TRIO: variants seen among roughly 807,000 people sequenced by gnomAD.
TRIO encodes the protein triple functional domain protein.
A neutral mutation model predicts 351.9 loss-of-function variants in TRIO; 58 were observed. That is an observed-to-expected ratio of 0.16 (90% confidence interval 0.13 to 0.21). The LOEUF (loss-of-function observed/expected upper bound fraction) is 0.21. Ranked by LOEUF, TRIO falls within the 10% of genes least tolerant of loss-of-function variation. The pLI is 1.00. For missense variants in TRIO, 3,201 were observed against 4,027.8 expected (o/e 0.79, Z 5.56); for synonymous variants, 1,758 against 1,595.7 (o/e 1.10, Z -2.42).
intron 11 of TRIO, among the ~76,000 whole-genome samples, chr5:14,351,457 T>G (rs1275669130): frequency 6.6e-6 from 1 of 152,222 alleles, no homozygotes; most frequent in Non-Finnish European, 1.5e-5. Flanking sequence ...ATACTTCCCC[T>G]GCTGGCCCTA....
In TRIO at chr5:14,336,772, C is replaced by G. The variant is rs373575136; in HGVS notation, c.2046+45C>G. ...AAATATGATCTGTGCTTGAAAGGGT[C>G]TTTGAACTCTTTTGGAGGAACCTAA... On this transcript the variant is annotated intron_variant, in intron 11 of 56. Coordinates refer to ENST00000344204, the MANE Select transcript of TRIO (RefSeq NM_007118.4). 6.3e-6 allele frequency: 10 copies of G among 1,597,778 alleles called. No individual in the cohort carries two copies. In the African/African-American group the frequency reaches 1.2e-4, roughly 19 times the overall value.
At chr5:14,240,537 C>T (rs1322297654) in intron 1 of TRIO, among the ~76,000 whole-genome samples, 1 of 152,198 alleles carries the variant, frequency 6.6e-6, no homozygotes, top group African/African-American at 2.4e-5. Flanking sequence ...GCATTATCAG[C>T]ATTAAAAACA....
rs763147106 is a variant in TRIO at position 14,394,109 on chromosome 5, G to A, written c.4290G>A (p.Thr1430=). 2.0e-5 allele frequency: 32 copies of A among 1,611,790 alleles called. No individual in the cohort carries two copies. In the East Asian group the frequency reaches 5.1e-4, roughly 26 times the overall value. Residue 1430 remains threonine (T), a synonymous_variant, in exon 28 of 57, where the codon ACG becomes ACA. Coordinates refer to ENST00000344204, the MANE Select transcript of TRIO (RefSeq NM_007118.4). ...TTATTAAACCAGTTCAGCGAATAAC[G>A]AAGTATCAGCTCCTTTTAAAAGTAT... ...SYLIKPVQRI[T]KYQLLLKELL...
intron 1 of TRIO, among the ~76,000 whole-genome samples, chr5:14,147,729 T>C (rs968352688): frequency 2.0e-5 from 3 of 152,204 alleles, no homozygotes; most frequent in Non-Finnish European, 4.4e-5. Context: ...TGTGGAGTAT[T>C]GAGAGAAGCT....
chr5:14,408,112 G>A (rs959937906), intron 33 of TRIO, among the ~76,000 whole-genome samples: 2 of 152,190 alleles, frequency 1.3e-5, no homozygotes, highest in African/African-American at 2.4e-5. Context: ...TGACCTCACC[G>A]TCCTTGGGAA....
At chr5:14,219,813 C>G (rs1432667620) in intron 1 of TRIO, among the ~76,000 whole-genome samples, 3 of 151,242 alleles carry the variant, frequency 2.0e-5, no homozygotes, top group East Asian at 3.9e-4. Flanking sequence ...TAAAATAGAT[C>G]AGTATTTTTC....
At position 14,508,144 on chromosome 5, in the gene TRIO, C is replaced by T. The variant is rs926370862; in HGVS notation, c.9016C>T (p.Arg3006Cys). The T allele has an allele frequency of 1.7e-5, 28 of 1,614,060 alleles. No homozygotes were observed. The highest frequency in any genetic ancestry group is 5.0e-5 in the Admixed American group (3 of 60,000). Reference sequence around the variant, plus strand: ...GGAAGAGACCTGCCTGAACATTTGCCGCTTAGACTTTAGCTTCCCAGATGA... The same window carrying T: ...GGAAGAGACCTGCCTGAACATTTGCTGCTTAGACTTTAGCTTCCCAGATGA... Reference protein sequence around the residue: ...SVEETCLNICRLDFSFPDDYF... With the variant: ...SVEETCLNICCLDFSFPDDYF... The change falls in exon 57 of 57, where the codon CGC becomes TGC. Residue 3006 changes from arginine to cysteine, a missense_variant. By Grantham distance (180) the Arg-to-Cys change is radical (BLOSUM62 -3). Coordinates refer to ENST00000344204, the MANE Select transcript of TRIO (RefSeq NM_007118.4).
intron 7 of TRIO, among the ~76,000 whole-genome samples, chr5:14,297,784 T>C (rs1737492912): frequency 6.6e-6 from 1 of 152,122 alleles, no homozygotes; most frequent in Non-Finnish European, 1.5e-5. Flanking sequence ...TATGGAGGGG[T>C]GGTGTCTGCT....
chr5:14,281,820 C>T (rs1736032029), intron 3 of TRIO, among the ~76,000 whole-genome samples: 1 of 152,076 alleles, frequency 6.6e-6, no homozygotes, highest in South Asian at 2.1e-4. Context: ...TATGGGCTGG[C>T]TAGATAGTAA....
At chr5:14,157,514 C>A (rs937698042) in intron 1 of TRIO, among the ~76,000 whole-genome samples, 11 of 124,102 alleles carry the variant, frequency 8.9e-5, no homozygotes, top group Non-Finnish European at 1.7e-5. Flanking sequence ...TCCCTGTCTC[C>A]CTCTCTCTCC....
At chr5:14,415,416 A>G (rs1278200628) in intron 33 of TRIO, among the ~76,000 whole-genome samples, 1 of 152,048 alleles carries the variant, frequency 6.6e-6, no homozygotes, top group Non-Finnish European at 1.5e-5. Context: ...CGAGAGCCAT[A>G]TGTTCTTGAG....
intron 11 of TRIO, among the ~76,000 whole-genome samples, chr5:14,351,489 T>TACCC (rs1309499008): frequency 6.6e-6 from 1 of 152,152 alleles, no homozygotes; most frequent in Admixed American, 6.5e-5. Flanking sequence ...TTCCCACAAG[T>TACCC]ACCCAGATGA....
chr5:14,242,796 CGGGCTTTTT>C (rs1198821734), intron 1 of TRIO, among the ~76,000 whole-genome samples: 2 of 152,160 alleles, frequency 1.3e-5, no homozygotes, highest in East Asian at 3.8e-4. Context: ...TCAGGCTATT[CGGGCTTTTT>C]GATCTATTAT....
At chr5:14,260,498 A>G (rs968047884) in intron 1 of TRIO, among the ~76,000 whole-genome samples, 4 of 152,250 alleles carry the variant, frequency 2.6e-5, no homozygotes, top group Non-Finnish European at 4.4e-5. Context: ...ATTAAACACA[A>G]TTCTAAGCTT....
At chr5:14,347,433 T>C (rs1259609552) in intron 11 of TRIO, among the ~76,000 whole-genome samples, 3 of 152,230 alleles carry the variant, frequency 2.0e-5, no homozygotes, top group Admixed American at 1.3e-4. Flanking sequence ...TAATCCCTGG[T>C]GTCACCGCCT....
At chr5:14,329,974 C>T (rs1262668872) in intron 9 of TRIO, among the ~76,000 whole-genome samples, 1 of 152,150 alleles carries the variant, frequency 6.6e-6, no homozygotes, top group African/African-American at 2.4e-5. Context: ...GTACGGAGAG[C>T]CGACTGTACT....
chr5:14,292,385 A>G (rs1177575872), intron 5 of TRIO, among the ~76,000 whole-genome samples: 1 of 152,230 alleles, frequency 6.6e-6, no homozygotes, highest in Admixed American at 6.5e-5. Context: ...ATAGTCATCT[A>G]TATTTTCTTA....
chr5:14,509,747 T>C lies in TRIO; in HGVS notation c.*1325T>C. ...GTCACTGTGGCAGCATTCGCACTGG[T>C]GTGGGGAGTCCTTTCAACTCAAGGA... On this transcript the variant is annotated 3_prime_UTR_variant, in exon 57 of 57. Coordinates refer to ENST00000344204, the MANE Select transcript of TRIO (RefSeq NM_007118.4). 3.9e-6 allele frequency: 1 copy of C among 255,128 alleles called. No individual in the cohort carries two copies. Among genetic ancestry groups the C allele is most frequent in the South Asian group, 3.8e-5 (1 of 26,118 alleles). 15.8% of individuals were successfully genotyped at this position (255,128 alleles called of 1,614,324 possible). A position where few individuals can be genotyped will look rare whatever the true frequency, so the allele number is the denominator to read the frequency against.
At chr5:14,382,263 C>A (rs199673421) in intron 21 of TRIO, among the ~76,000 whole-genome samples, 2 of 152,304 alleles carry the variant, frequency 1.3e-5, no homozygotes, top group East Asian at 3.9e-4. Context: ...AGGAATTTTT[C>A]AATCATGTAG....
Sources: gnomAD v4.1 joint callset for allele counts (sites outside exome capture counted in the v4.1 genomes callset) on GRCh38, gnomAD v4.1.1 for gene constraint, MANE v1.5 for transcripts, NCBI Gene and HGNC (gene_info 2026-07-23, HGNC 2026-07-21) for gene names.